Variants in SBF2 observed in about 807,000 individuals in gnomAD.
SBF2 encodes the protein myotubularin-related protein 13.
SBF2 carries 112 observed loss-of-function variants against 225.2 expected under a neutral mutation model. The observed-to-expected ratio is 0.50, with a 90% CI of 0.43 to 0.58. The LOEUF (loss-of-function observed/expected upper bound fraction) is 0.58. Ranked by LOEUF, SBF2 falls within the 20% of genes least tolerant of loss-of-function variation. The pLI is 0.00. For synonymous variants in SBF2, 763 were observed against 773.3 expected, an observed-to-expected ratio of 0.99 and a Z score of 0.22; for missense variants, 1,996 against 2,206.2, an observed-to-expected ratio of 0.90 and a Z score of 1.91.
intron 2 of SBF2, among the ~76,000 whole-genome samples, chr11:10,173,271 G>T (rs1056376231): frequency 6.6e-6 from 1 of 152,202 alleles, no homozygotes; most frequent in Admixed American, 6.5e-5. Context: ...ACTAGGGAGT[G>T]CCAGACAGTG....
At chr11:9,945,002 G>C (rs1376606457) in intron 16 of SBF2, among the ~76,000 whole-genome samples, 2 of 152,132 alleles carry the variant, frequency 1.3e-5, no homozygotes, top group East Asian at 1.9e-4. Flanking sequence ...TTACATGGGA[G>C]GCTGAAGCAG....
chr11:9,788,997 C>A, intron 35 of SBF2, 112 bp downstream of exon 35: 1 of 886,892 alleles, frequency 1.1e-6, no homozygotes, highest in Non-Finnish European at 1.8e-6. Flanking sequence ...ATAACCATAA[C>A]CCTAGCTCAG....
intron 24 of SBF2, chr11:9,843,916 C>T (rs1037002098): frequency 3.3e-5 from 5 of 152,078 alleles, no homozygotes; most frequent in African/African-American, 1.2e-4. Context: ...AAATTTTTTC[C>T]CAGCTAAAGC....
intron 17 of SBF2, among the ~76,000 whole-genome samples, chr11:9,890,811 T>C (rs957209818): frequency 7.2e-5 from 11 of 151,962 alleles, no homozygotes; most frequent in Non-Finnish European, 1.5e-4. Flanking sequence ...GACCCTGAGG[T>C]GCATGGGTCA....
At chr11:9,945,049 G>A (rs887435170) in intron 16 of SBF2, among the ~76,000 whole-genome samples, 1 of 152,154 alleles carries the variant, frequency 6.6e-6, no homozygotes, top group African/African-American at 2.4e-5. Context: ...AGGATGCAGT[G>A]GGCCATGATT....
Position 10,301,550 on chromosome 11 carries a change from TC to T in SBF2, n.386+2941del, listed in dbSNP as rs1293726254. ...TTGAACTATATTAATAATAAATGCA[TC>T]ATAAAATTTCCTGTTTGATAAAGGA... On this transcript the variant is annotated intron_variant and non_coding_transcript_variant, in intron 1 of 5. Transcript: ENST00000685217. 2.6e-5 allele frequency among the ~76,000 whole-genome samples: 4 copies of T among 152,230 alleles called. No individual in the cohort carries two copies. In the East Asian group the frequency reaches 5.8e-4, roughly 22 times the overall value.
At chr11:10,175,287 C>T (rs1369332896) in intron 2 of SBF2, among the ~76,000 whole-genome samples, 2 of 151,496 alleles carry the variant, frequency 1.3e-5, no homozygotes, top group Non-Finnish European at 2.9e-5. Context: ...CAGAGACACA[C>T]ATAGGCTCAA....
intron 8 of SBF2, 60 bp downstream of exon 8, chr11:10,000,854 C>A: frequency 1.1e-6 from 1 of 885,258 alleles, no homozygotes. Flanking sequence ...TTATAGGACC[C>A]AAAGAAATAT....
rs1326108347 is a variant in SBF2 at position 10,303,437 on chromosome 11, C to A, written n.386+1055G>T. 6.6e-6 allele frequency: 1 copy of A among 152,312 alleles called. No homozygotes were observed. Among genetic ancestry groups the A allele is most frequent in the Non-Finnish European group, 1.5e-5 (1 of 68,118 alleles). 9.4% of individuals were successfully genotyped at this position (152,312 alleles called of 1,614,324 possible). A position where few individuals can be genotyped will look rare whatever the true frequency, so the allele number is the denominator to read the frequency against. On this transcript the variant is annotated intron_variant and non_coding_transcript_variant, in intron 1 of 5. Transcript: ENST00000685217. This position sits in a 1 kb window ranked among gnomAD's most constrained non-coding sequence, Gnocchi z 5.2. ...CCAGGTGCAATGTCCACTGTTGAGTCCCGAGAGTGAAAAGGCAGCTAAGCC... is the reference window on the plus strand; with the variant it reads ...CCAGGTGCAATGTCCACTGTTGAGTACCGAGAGTGAAAAGGCAGCTAAGCC...
At chr11:10,292,007 C>T (rs1165241510) in intron 1 of SBF2, among the ~76,000 whole-genome samples, 6 of 152,104 alleles carry the variant, frequency 3.9e-5, no homozygotes, top group African/African-American at 1.4e-4. Flanking sequence ...AGTGACTGAC[C>T]TGTAATTGTT....
chr11:9,781,982 C>T (rs1388411198), intron 38 of SBF2, among the ~76,000 whole-genome samples: 3 of 151,890 alleles, frequency 2.0e-5, no homozygotes, highest in African/African-American at 4.8e-5. Context: ...CCCAGGAGTT[C>T]GAGACCAGCC....
Position 9,998,478 on chromosome 11 carries a change from T to G in SBF2, c.862-99A>C, listed in dbSNP as rs145988551. 1,344 of 701,276 alleles carry G rather than the reference T, an allele frequency of 1.9e-3. 9 individuals are homozygous for G. The highest frequency in any genetic ancestry group is 0.014 in the African/African-American group (797 of 56,336). The allele number at this position is 701,276 out of a possible 1,614,324, so 43.4% of individuals were successfully genotyped here. On this transcript the variant is annotated intron_variant, in intron 8 of 39. Transcript: ENST00000256190. ...CTAATTCAAAACGAGAAGAATCAGA[T>G]GTGGAAGAGACTCTTGTTTGTCCAT...
intron 2 of SBF2, among the ~76,000 whole-genome samples, chr11:10,122,772 C>T (rs913405139): frequency 6.6e-5 from 10 of 152,150 alleles, no homozygotes; most frequent in South Asian, 2.1e-4. Context: ...AGTCTCAGCA[C>T]GCACAGTAGG....
At chr11:10,155,633 A>T (rs887470460) in intron 2 of SBF2, among the ~76,000 whole-genome samples, 1 of 152,232 alleles carries the variant, frequency 6.6e-6, no homozygotes, top group African/African-American at 2.4e-5. Context: ...TATATAAAGG[A>T]TTAAATAGTT....
chr11:9,992,358 T>C, intron 12 of SBF2, 57 bp downstream of exon 12: 1 of 1,440,646 alleles, frequency 6.9e-7, no homozygotes, highest in Non-Finnish European at 9.5e-7. Context: ...CTTTTTACTT[T>C]TAACTACTAG....
At chr11:10,061,767 C>T (rs570941762) in intron 2 of SBF2, among the ~76,000 whole-genome samples, 1 of 152,222 alleles carries the variant, frequency 6.6e-6, no homozygotes, top group East Asian at 1.9e-4. Context: ...GCTACCTTGC[C>T]CAAAGCCATT....
At chr11:10,043,495 G>A (rs912050859) in intron 2 of SBF2, among the ~76,000 whole-genome samples, 4 of 152,198 alleles carry the variant, frequency 2.6e-5, no homozygotes, top group African/African-American at 7.2e-5. Flanking sequence ...AATGTCTGCT[G>A]TTAGACCATG....
intron 2 of SBF2, among the ~76,000 whole-genome samples, chr11:10,153,749 C>T (rs553562990): frequency 1.8e-4 from 28 of 151,864 alleles, no homozygotes; most frequent in South Asian, 4.2e-4. Context: ...AAAAGATCAA[C>T]AAAATTTATA....
chr11:10,298,604 C>T (rs900725987), upstream of SBF2, among the ~76,000 whole-genome samples: 5 of 152,192 alleles, frequency 3.3e-5, no homozygotes, highest in East Asian at 3.8e-4. Flanking sequence ...GGGCTGAGGC[C>T]TCTTCAGATC....
Sources: gnomAD v4.1 joint callset for allele counts (sites outside exome capture counted in the v4.1 genomes callset) on GRCh38, gnomAD v4.1.1 for gene constraint, Gnocchi (gnomAD v3.1) non-coding constraint, MANE v1.5 for transcripts, NCBI Gene and HGNC (gene_info 2026-07-23, HGNC 2026-07-21) for gene names.